LYPLAL1: variants seen among roughly 807,000 people sequenced by gnomAD.
LYPLAL1 encodes lysophospholipase-like protein 1.
LYPLAL1 carries 23 observed loss-of-function variants against 19.7 expected under a neutral mutation model. The observed-to-expected ratio is 1.17, with a 90% CI of 0.84 to 1.65. The LOEUF (loss-of-function observed/expected upper bound fraction) is 1.65. Among genes scored for constraint, LYPLAL1 ranks in the 40% most tolerant of loss-of-function variants. LYPLAL1 has a pLI of 0.00. For missense variants in LYPLAL1, 355 were observed against 279.4 expected, an observed-to-expected ratio of 1.27 and a Z score of -1.93; for synonymous variants, 119 against 96.3, an observed-to-expected ratio of 1.24 and a Z score of -1.38.
the LYPLAL1 span, among the ~76,000 whole-genome samples, chr1:219,229,166 A>G: frequency 0.019 from 2,935 of 151,980 alleles, 76 homozygotes; most frequent in Non-Finnish European, 0.029. Flanking sequence ...AGGTATGTAA[A>G]TATTTCTTCC....
the LYPLAL1 span, among the ~76,000 whole-genome samples, chr1:219,289,534 A>G: frequency 6.6e-6 from 1 of 152,164 alleles, no homozygotes; most frequent in African/African-American, 2.4e-5. Context: ...AAAATAATAT[A>G]CCACACACAT....
chr1:219,194,205 T>C (rs990912088), intron 3 of LYPLAL1, among the ~76,000 whole-genome samples: 2 of 151,944 alleles, frequency 1.3e-5, no homozygotes, highest in African/African-American at 4.8e-5. Flanking sequence ...TTCCTCATTA[T>C]GTTTAACTCT....
rs754095335 is a variant in LYPLAL1 at position 219,211,701 on chromosome 1, G to T, written c.687G>T (p.Leu229=). The T allele has an allele frequency of 2.5e-6, 4 of 1,607,046 alleles. No homozygotes were observed. The highest frequency in any genetic ancestry group is 2.2e-5 in the East Asian group (1 of 44,736). ...TGAAGTTATGGATTCTTACAAAGCT[G>T]CCAGGAGAAATGGAAAAACAAAAAT... The part of the protein sequence containing the change: ...DILKLWILTK[L]PGEMEKQK The change falls in exon 5 of 5, where the codon CTG becomes CTT. Residue 229 remains leucine (L), a synonymous_variant. Transcript: ENST00000366928.
chr1:219,381,813 A>G, the LYPLAL1 span, among the ~76,000 whole-genome samples: 1 of 152,214 alleles, frequency 6.6e-6, no homozygotes, highest in East Asian at 1.9e-4. Context: ...GATACAAAAA[A>G]GATTAAGTCA....
At chr1:219,304,622 A>C in the LYPLAL1 span, among the ~76,000 whole-genome samples, 1 of 152,224 alleles carries the variant, frequency 6.6e-6, no homozygotes, top group African/African-American at 2.4e-5. Context: ...ACTGGGAAAC[A>C]AGAGTCCAAA....
chr1:219,220,245 G>C, the LYPLAL1 span, among the ~76,000 whole-genome samples: 1 of 152,064 alleles, frequency 6.6e-6, no homozygotes, highest in Non-Finnish European at 1.5e-5. Context: ...GGTACTTGGC[G>C]AGTAATGTAC....
chr1:219,337,489 A>G, the LYPLAL1 span, among the ~76,000 whole-genome samples: 1 of 152,042 alleles, frequency 6.6e-6, no homozygotes, highest in Non-Finnish European at 1.5e-5. Context: ...TCATTTGATT[A>G]AAGCAGGAGC....
the LYPLAL1 span, among the ~76,000 whole-genome samples, chr1:219,440,024 C>CACACATATAT: frequency 7.6e-6 from 1 of 132,390 alleles, no homozygotes; most frequent in Admixed American, 8.0e-5. Flanking sequence ...CACACACACA[C>CACACATATAT]ATATATATAT....
At chr1:219,350,499 C>T in the LYPLAL1 span, among the ~76,000 whole-genome samples, 1 of 152,192 alleles carries the variant, frequency 6.6e-6, no homozygotes. Flanking sequence ...TCCTTCTGTT[C>T]CCAGCATTCT....
the LYPLAL1 span, among the ~76,000 whole-genome samples, chr1:219,381,706 T>C: frequency 1.3e-5 from 2 of 152,196 alleles, no homozygotes; most frequent in African/African-American, 4.8e-5. Flanking sequence ...ACTAAGAAGA[T>C]TTATATCTGA....
the LYPLAL1 span, among the ~76,000 whole-genome samples, chr1:219,386,656 G>A: frequency 6.6e-6 from 1 of 152,262 alleles, no homozygotes; most frequent in Non-Finnish European, 1.5e-5. Flanking sequence ...ATTGTACCCA[G>A]ATCTTCTTTC....
the LYPLAL1 span, among the ~76,000 whole-genome samples, chr1:219,292,109 T>C: frequency 4.6e-5 from 7 of 152,166 alleles, no homozygotes; most frequent in Non-Finnish European, 1.0e-4. Flanking sequence ...GCTCCTCTTG[T>C]ACTGCAGCAA....
the LYPLAL1 span, among the ~76,000 whole-genome samples, chr1:219,437,991 TC>T: frequency 6.6e-6 from 1 of 151,998 alleles, no homozygotes; most frequent in East Asian, 1.9e-4. Context: ...GGTCTCGAAC[TC>T]CTGACCTCAA....
At chr1:219,236,264 A>G in the LYPLAL1 span, among the ~76,000 whole-genome samples, 1 of 152,180 alleles carries the variant, frequency 6.6e-6, no homozygotes, top group African/African-American at 2.4e-5. Context: ...GGAGAGGCTA[A>G]GTTTTCAACA....
At chr1:219,438,577 G>A in the LYPLAL1 span, among the ~76,000 whole-genome samples, 7 of 152,152 alleles carry the variant, frequency 4.6e-5, no homozygotes, top group East Asian at 1.9e-4. Flanking sequence ...CCAGGTTATC[G>A]TCAGCACCTA....
the LYPLAL1 span, among the ~76,000 whole-genome samples, chr1:219,301,314 G>A: frequency 0.098 from 14,927 of 152,118 alleles, 809 homozygotes; most frequent in African/African-American, 0.11. Flanking sequence ...ACAAAAAGAC[G>A]TAATTATGGT....
At chr1:219,421,195 C>T in the LYPLAL1 span, among the ~76,000 whole-genome samples, 6 of 152,114 alleles carry the variant, frequency 3.9e-5, no homozygotes, top group African/African-American at 1.4e-4. Context: ...AAGAGTTAGG[C>T]CCAATTTATT....
chr1:219,427,104 A>G, the LYPLAL1 span, among the ~76,000 whole-genome samples: 31 of 152,238 alleles, frequency 2.0e-4, no homozygotes, highest in African/African-American at 6.8e-4. Flanking sequence ...TGCAAATTTT[A>G]AGATTTCCCA....
the LYPLAL1 span, among the ~76,000 whole-genome samples, chr1:219,238,122 C>CTTTTTT: frequency 5.8e-5 from 6 of 103,890 alleles, no homozygotes; most frequent in African/African-American, 7.4e-5. Context: ...TGGATCTAAA[C>CTTTTTT]TTTTTTTTTT....
Sources: gnomAD v4.1 joint callset for allele counts (sites outside exome capture counted in the v4.1 genomes callset) on GRCh38, gnomAD v4.1.1 for gene constraint, MANE v1.5 for transcripts, NCBI Gene and HGNC (gene_info 2026-07-23, HGNC 2026-07-21) for gene names.